The following MTAP variants were observed in gnomAD, a reference collection of about 807,000 sequenced individuals.
MTAP encodes methylthioadenosine phosphorylase.
MTAP carries 33 observed loss-of-function variants against 33.6 expected under a neutral mutation model. The ratio of observed to expected loss-of-function variants is 0.98; its 90% CI spans 0.74 to 1.31. MTAP has a LOEUF of 1.31. Among genes scored for constraint, MTAP ranks in the 40% most tolerant of loss-of-function variants. The probability of loss-of-function intolerance (pLI) is 0.00; values close to 1 mark genes in which losing one functional copy is unlikely to be tolerated. For missense variants in MTAP, 367 were observed against 360.0 expected (o/e 1.02, Z -0.16); for synonymous variants, 148 against 125.7 (o/e 1.18, Z -1.19).
chr9:21,876,192 T>TA (rs1292726451), intron 1 of MTAP, among the ~76,000 whole-genome samples: 7 of 152,210 alleles, frequency 4.6e-5, no homozygotes, highest in Non-Finnish European at 8.8e-5. Flanking sequence ...TGCCTGTTCA[T>TA]ATCCTTTGCC....
downstream of MTAP, chr9:21,940,924 G>T: frequency 4.9e-6 from 4 of 811,632 alleles, no homozygotes; most frequent in Non-Finnish European, 6.0e-6. Flanking sequence ...ACCCCCAGAA[G>T]TGGAAAGGGG....
rs751881433 is a variant in MTAP at position 21,818,082 on chromosome 9, C to T, written c.227C>T (p.Ala76Val). ...TIMPSKVNYQ[A>V]NIWALKEEGC... is the part of the protein sequence containing the mutation. ...ATGCCTTCAAAGGTCAACTACCAGG[C>T]GAACATCTGGGCTTTGAAGGAAGAG... The change falls in exon 4 of 8, where the codon GCG becomes GTG. Residue 76 changes from alanine to valine, a missense_variant. Coordinates refer to ENST00000644715, the MANE Select transcript of MTAP (RefSeq NM_002451.4). The T allele has an allele frequency of 2.1e-5, 34 of 1,613,448 alleles. No homozygotes were observed. The highest frequency in any genetic ancestry group is 2.5e-5 in the Non-Finnish European group (29 of 1,179,818).
chr9:21,890,838 GGTCTGT>G (rs144909969), intron 1 of MTAP, among the ~76,000 whole-genome samples: 2,358 of 152,170 alleles, frequency 0.015, 57 homozygotes, highest in African/African-American at 0.053. Flanking sequence ...TCCTTCAAAA[GGTCTGT>G]GAATTATTTC....
intron 1 of MTAP, among the ~76,000 whole-genome samples, chr9:21,928,664 C>T (rs1563874143): frequency 6.6e-6 from 1 of 152,008 alleles, no homozygotes; most frequent in Non-Finnish European, 1.5e-5. Flanking sequence ...TGAAGTGGTA[C>T]CCTCACTTTG....
At chr9:21,898,238 G>A (rs1818330224) in intron 1 of MTAP, among the ~76,000 whole-genome samples, 1 of 152,118 alleles carries the variant, frequency 6.6e-6, no homozygotes, top group African/African-American at 2.4e-5. Context: ...AATTCAAGGT[G>A]GATTAAAGAC....
At chr9:21,915,048 CT>C (rs1166612703) in intron 1 of MTAP, among the ~76,000 whole-genome samples, 1 of 99,924 alleles carries the variant, frequency 1.0e-5, no homozygotes, top group Admixed American at 1.1e-4. Flanking sequence ...TCCTTCCTTC[CT>C]TCCTTCCTTT....
In MTAP at chr9:21,911,786, G is replaced by T. The variant is rs528821710; in HGVS notation, c.148-19222G>T. 2.6e-5 allele frequency among the ~76,000 whole-genome samples: 4 copies of T among 152,216 alleles called. No homozygotes were observed. In the South Asian group the frequency reaches 6.2e-4, roughly 24 times the overall value. On this transcript the variant is annotated intron_variant, in intron 1 of 1. Coordinates refer to the MTAP transcript ENST00000577563. ...GCAAGAAATAACCAAGATGGGAGCAGAACTGAAGGAGATAGAGACACAAAA... is the reference window on the plus strand; with the variant it reads ...GCAAGAAATAACCAAGATGGGAGCATAACTGAAGGAGATAGAGACACAAAA...
At chr9:21,903,027 C>G (rs1229318289) in intron 1 of MTAP, among the ~76,000 whole-genome samples, 1 of 152,192 alleles carries the variant, frequency 6.6e-6, no homozygotes, top group Non-Finnish European at 1.5e-5. Flanking sequence ...ATGAATTCAA[C>G]TAAATGTGCA....
chr9:21,873,579 G>C (rs1261483179), intron 1 of MTAP, among the ~76,000 whole-genome samples: 1 of 150,870 alleles, frequency 6.6e-6, no homozygotes, highest in Non-Finnish European at 1.5e-5. Flanking sequence ...CACTGAATCT[G>C]TTGGTGCCTT....
Position 21,863,630 on chromosome 9 carries a change from A to T in MTAP, c.*1616A>T, listed in dbSNP as rs1414403935. Reference sequence around the variant, plus strand: ...AGAGTAAGACTCAGTCTCAAAAAAAAAAAAAAGAGTGAAATGCTTTTTGTT... The same window carrying T: ...AGAGTAAGACTCAGTCTCAAAAAAATAAAAAAGAGTGAAATGCTTTTTGTT... On this transcript the variant is annotated 3_prime_UTR_variant, in exon 8 of 8. Coordinates refer to ENST00000644715, the MANE Select transcript of MTAP (RefSeq NM_002451.4). 1.0e-6 allele frequency: 1 copy of T among 985,774 alleles called. No individual in the cohort carries two copies. Among genetic ancestry groups the T allele is most frequent in the Non-Finnish European group, 1.2e-6 (1 of 830,094 alleles). 61.1% of individuals were successfully genotyped at this position (985,774 alleles called of 1,614,324 possible). A position where few individuals can be genotyped will look rare whatever the true frequency, so the allele number is the denominator to read the frequency against.
chr9:21,931,967 G>T (rs898557867), downstream of MTAP: 2 of 152,172 alleles, frequency 1.3e-5, no homozygotes, highest in African/African-American at 2.4e-5. Context: ...GAAGGTTAAG[G>T]CTGCGGTGAG....
intron 5 of MTAP, among the ~76,000 whole-genome samples, chr9:21,845,423 AC>A (rs1825356637): frequency 6.6e-6 from 1 of 152,220 alleles, no homozygotes; most frequent in African/African-American, 2.4e-5. Context: ...AACCTGCTTT[AC>A]AACAGTTGCA....
intron 4 of MTAP, among the ~76,000 whole-genome samples, chr9:21,819,628 T>A (rs1423404376): frequency 6.6e-6 from 1 of 152,242 alleles, no homozygotes; most frequent in Non-Finnish European, 1.5e-5. Flanking sequence ...TATAGCAGCA[T>A]GATTTATAAT....
At chr9:21,868,623 C>A (rs746129986), downstream of MTAP, among the ~76,000 whole-genome samples, 2 of 151,978 alleles carry the variant, frequency 1.3e-5, no homozygotes, top group Admixed American at 1.3e-4. Flanking sequence ...AATCTGATTA[C>A]GTTTCTTTCC....
chr9:21,838,600 A>C (rs1375452651), intron 5 of MTAP, among the ~76,000 whole-genome samples: 1 of 152,200 alleles, frequency 6.6e-6, no homozygotes, highest in African/African-American at 2.4e-5. Flanking sequence ...GTTGCCTTTG[A>C]CCTGAGTTTG....
At chr9:21,938,242 C>A (rs1168778224), downstream of MTAP, among the ~76,000 whole-genome samples, 2 of 151,138 alleles carry the variant, frequency 1.3e-5, no homozygotes, top group Non-Finnish European at 2.9e-5. Flanking sequence ...CCACTGCACT[C>A]CAGCCTCGGC....
At position 21,862,322 on chromosome 9, in the gene MTAP, G is replaced by T; in HGVS notation, c.*308G>T. On this transcript the variant is annotated 3_prime_UTR_variant, in exon 8 of 8. Transcript: ENST00000644715. The stretch of plus-strand genomic sequence containing the variant: ...TAAATTTGCAACAATAAAGGGTGGA[G>T]GGTAATCTCTACTTTCCTATACTGC... 1 of 333,064 alleles carries T rather than the reference G, an allele frequency of 3.0e-6. No individual in the cohort carries two copies. Among genetic ancestry groups the T allele is most frequent in the Non-Finnish European group, 4.9e-6 (1 of 202,388 alleles). 20.6% of individuals were successfully genotyped at this position (333,064 alleles called of 1,614,324 possible).
intron 2 of MTAP, 24 bp downstream of exon 2, chr9:21,815,543 A>T: frequency 6.9e-7 from 1 of 1,453,304 alleles, no homozygotes; most frequent in Non-Finnish European, 9.6e-7. Context: ...TTGTGGAGAC[A>T]TGTTTTTTAG....
intron 4 of MTAP, among the ~76,000 whole-genome samples, chr9:21,829,072 T>C (rs1462457881): frequency 6.6e-6 from 1 of 152,238 alleles, no homozygotes; most frequent in Non-Finnish European, 1.5e-5. Context: ...CTATGTGTTT[T>C]ACTGATAGCA....
Sources: allele counts gnomAD v4.1 joint callset (sites outside exome capture counted in the v4.1 genomes callset), GRCh38; gene constraint gnomAD v4.1.1; transcripts MANE v1.5; gene names NCBI Gene and HGNC (gene_info 2026-07-23, HGNC 2026-07-21).